Variants in MYH8 observed in about 807,000 individuals in gnomAD.
MYH8 encodes the protein myosin-8.
Under a neutral mutation model 233.2 loss-of-function variants are expected in MYH8, and 168 were observed. The observed-to-expected ratio is 0.72, with a 90% confidence interval of 0.64 to 0.82. The LOEUF is 0.82. Ranked by LOEUF, MYH8 falls within the 40% of genes least tolerant of loss-of-function variation. The probability of loss-of-function intolerance (pLI) is 0.00; values close to 1 mark genes in which losing one functional copy is unlikely to be tolerated. For synonymous variants in MYH8, 785 were observed against 850.6 expected (o/e 0.92, Z 1.34); for missense variants, 1,995 against 2,327.8 (o/e 0.86, Z 2.94).
At chr17:10,416,133 C>T (rs530491340) in intron 5 of MYH8, among the ~76,000 whole-genome samples, 11 of 152,142 alleles carry the variant, frequency 7.2e-5, no homozygotes, top group South Asian at 2.1e-4. Flanking sequence ...CATTCCCTGG[C>T]GCCCACCATT....
rs1371100552 is a variant in MYH8, at chr17:10,400,996, T to G, written c.3255-37A>C. On this transcript the variant is annotated intron_variant, in intron 25 of 39. Coordinates refer to ENST00000403437, the MANE Select transcript of MYH8 (RefSeq NM_002472.3). This position sits in a 1 kb window ranked among gnomAD's most constrained non-coding sequence, Gnocchi z 4.0. The stretch of plus-strand genomic sequence containing the variant: ...AGAGCAAGACGTATTAATACTCATG[T>G]GAATTGAAAGATGATATCACATAGA... The G allele has an allele frequency of 1.9e-6, 3 of 1,613,716 alleles. No individual in the cohort carries two copies. The highest frequency in any genetic ancestry group is 2.5e-6 in the Non-Finnish European group (3 of 1,179,662).
At chr17:10,390,682 A>G (rs1022013189) in intron 39 of MYH8, 79 bp from the exon 40 acceptor site, 2 of 1,502,852 alleles carry the variant, frequency 1.3e-6, no homozygotes, top group Non-Finnish European at 1.9e-6. Flanking sequence ...TTAGTTCCTC[A>G]AATCAGGTAT....
rs2072301316 is a variant in MYH8 at position 10,417,763 on chromosome 17, A to G, written c.511+882T>C. ...GACAATCAAAGAACAGTTTACTGGCATAGAATCCTTGTAGAATTGATGGCC... is the reference window on the plus strand; with the variant it reads ...GACAATCAAAGAACAGTTTACTGGCGTAGAATCCTTGTAGAATTGATGGCC... On this transcript the variant is annotated intron_variant, in intron 5 of 39. Coordinates refer to ENST00000403437, the MANE Select transcript of MYH8 (RefSeq NM_002472.3). The surrounding 1 kb of genome is among the most constrained non-coding windows in gnomAD (Gnocchi z 4.1). 6.6e-6 allele frequency among the ~76,000 whole-genome samples: 1 copy of G among 152,228 alleles called. No individual in the cohort carries two copies.
intron 39 of MYH8, among the ~76,000 whole-genome samples, chr17:10,390,961 A>G (rs1402648973): frequency 6.6e-6 from 1 of 152,240 alleles, no homozygotes; most frequent in Non-Finnish European, 1.5e-5. Flanking sequence ...TCTAGTATAT[A>G]AAGAAAGGGA....
chr17:10,421,218 AAATAAT>A (rs879350086), intron 2 of MYH8, among the ~76,000 whole-genome samples: 1 of 152,264 alleles, frequency 6.6e-6, no homozygotes, highest in Non-Finnish European at 1.5e-5. Context: ...CCTGTTAAGT[AAATAAT>A]AATAAGTCTT....
intron 5 of MYH8, among the ~76,000 whole-genome samples, chr17:10,416,955 CTG>C (rs779574694): frequency 1.3e-4 from 20 of 152,186 alleles, no homozygotes; most frequent in Non-Finnish European, 2.5e-4. Context: ...GATAAAGAAA[CTG>C]AGACCTGTAA....
At chr17:10,401,500 G>C in intron 23 of MYH8, 43 bp downstream of exon 23, 1 of 1,614,104 alleles carries the variant, frequency 6.2e-7, no homozygotes, top group South Asian at 1.1e-5. Flanking sequence ...CAATTTAGTT[G>C]GTGGCAGAAC....
chr17:10,409,056 T>C (rs1597402600), intron 17 of MYH8, 41 bp downstream of exon 17: 4 of 1,570,858 alleles, frequency 2.5e-6, no homozygotes, highest in East Asian at 4.5e-5. Context: ...TGATAATTCA[T>C]AGAAACTGAG....
chr17:10,413,017 T>C (rs2072258664), intron 12 of MYH8, among the ~76,000 whole-genome samples: 1 of 152,222 alleles, frequency 6.6e-6, no homozygotes, highest in South Asian at 2.1e-4. Flanking sequence ...GTAAAAGCCA[T>C]AGTCCCTGTT....
chr17:10,390,672 T>A (rs561532255), intron 39 of MYH8, 69 bp from the exon 40 acceptor site: 1 of 1,547,430 alleles, frequency 6.5e-7, no homozygotes, highest in Admixed American at 1.7e-5. Flanking sequence ...CCAGACAGGA[T>A]TAGTTCCTCA....
Position 10,406,678 on chromosome 17 carries a change from A to G in MYH8, c.2171+12T>C, listed in dbSNP as rs759698690. ...TTCACAGTGTTAATGAAATACATCA[A>G]AGAAGACTGACCTTTGTTTGAAATC... On this transcript the variant is annotated intron_variant, in intron 19 of 39. Transcript: ENST00000403437. The G allele has an allele frequency of 6.2e-7, 1 of 1,606,110 alleles. No homozygotes were observed. The highest frequency in any genetic ancestry group is 8.5e-7 in the Non-Finnish European group (1 of 1,172,964).
At position 10,390,543 on chromosome 17, in the gene MYH8, C is replaced by T; in HGVS notation, c.5725G>A (p.Ala1909Thr). 6.2e-7 allele frequency: 1 copy of T among 1,614,176 alleles called. No individual in the cohort carries two copies. The highest frequency in any genetic ancestry group is 8.5e-7 in the Non-Finnish European group (1 of 1,180,032). Residue 1909 changes from alanine to threonine, a missense_variant, in exon 40 of 40, where the codon GCC (alanine) becomes ACC (threonine). Physicochemically the swap from Ala to Thr is moderately conservative, Grantham distance 58. Around this residue, in one of 3 missense-constraint regions of MYH8, gnomAD observed 1,498 missense variants for 1,680.9 expected, o/e 0.89. Coordinates refer to ENST00000403437, the MANE Select transcript of MYH8 (RefSeq NM_002472.3). Reference protein sequence around the residue: ...FRKLQHELEEAEERADIAESQ... With the variant: ...FRKLQHELEETEERADIAESQ... ...TCAGCAATGTCAGCCCGTTCCTCGG[C>T]CTCCTCCAGCTCATGCTGGAGTTTG...
Position 10,414,006 on chromosome 17 carries a change from T to C in MYH8, c.1043A>G (p.Glu348Gly). 1 of 1,614,156 alleles carries C rather than the reference T, an allele frequency of 6.2e-7. No individual in the cohort carries two copies. ...TGTGAGTTTATAGATGGACACTTTCTCTTCAGGAGTGAAGCCCAGGATGTC... is the reference window on the plus strand; with the variant it reads ...TGTGAGTTTATAGATGGACACTTTCCCTTCAGGAGTGAAGCCCAGGATGTC... Reference protein sequence around the residue: ...AIDILGFTPEEKVSIYKLTGA... With the variant: ...AIDILGFTPEGKVSIYKLTGA... Residue 348 changes from glutamate to glycine, a missense_variant, in exon 12 of 40, where the codon GAG becomes GGG. Around this residue, in one of 3 missense-constraint regions of MYH8, gnomAD observed 479 missense variants for 600.9 expected, o/e 0.80. Transcript: ENST00000403437.
At position 10,412,400 on chromosome 17, in the gene MYH8, G is replaced by A. The variant is rs944639595; in HGVS notation, c.1386C>T (p.Val462=). 30 of 1,614,066 alleles carry A rather than the reference G, an allele frequency of 1.9e-5. No individual in the cohort carries two copies. Among genetic ancestry groups the A allele is most frequent in the Non-Finnish European group, 2.5e-5 (30 of 1,180,044 alleles). ...TKQPRQYFIG[V]LDIAGFEIFD... ...AGATTTCAAAGCCAGCAATGTCCAA[G>A]ACCCCGATGAAGTACTGCCTGGGCT... Residue 462 remains valine, a synonymous_variant, in exon 14 of 40, where the codon GTC becomes GTT. Transcript: ENST00000403437.
At chr17:10,392,779 A>G in intron 37 of MYH8, 52 bp downstream of exon 37, 1 of 1,613,994 alleles carries the variant, frequency 6.2e-7, no homozygotes, top group East Asian at 2.2e-5. Context: ...AGAGAAGGGT[A>G]GAGAGAGTGC....
intron 39 of MYH8, among the ~76,000 whole-genome samples, chr17:10,391,354 G>T (rs1374150140): frequency 6.6e-6 from 1 of 152,112 alleles, no homozygotes; most frequent in Non-Finnish European, 1.5e-5. Context: ...TTTAGAACTT[G>T]CCCCCCTCAA....
At chr17:10,408,995 G>A in intron 17 of MYH8, 102 bp downstream of exon 17, 3 of 1,061,688 alleles carry the variant, frequency 2.8e-6, no homozygotes, top group Non-Finnish European at 4.3e-6. Flanking sequence ...TATTTGAAGT[G>A]ATTCCTATTA....
rs2072280481 is a variant in MYH8, at chr17:10,415,356, G to T, written c.677C>A (p.Ala226Asp). The change falls in exon 8 of 40, where the codon GCC becomes GAC. Residue 226 changes from alanine (A) to aspartate (D), a missense_variant. Around this residue, in one of 3 missense-constraint regions of MYH8, gnomAD observed 479 missense variants for 600.9 expected, o/e 0.80. Coordinates refer to ENST00000403437, the MANE Select transcript of MYH8 (RefSeq NM_002472.3). The surrounding 1 kb of genome is among the most constrained non-coding windows in gnomAD (Gnocchi z 4.1). ...QGTLEDQIIS[A>D]NPLLEAFGNA... ...GCCAAAGGCCTCCAGTAGGGGATTG[G>T]CGCTGATGATTTGATCTTCCAGAGT... is the stretch of plus-strand genomic sequence containing the variant. 6.2e-7 allele frequency: 1 copy of T among 1,614,184 alleles called. No individual in the cohort carries two copies. The highest frequency in any genetic ancestry group is 8.5e-7 in the Non-Finnish European group (1 of 1,180,012).
Position 10,398,884 on chromosome 17 carries a change from C to T in MYH8, c.3865G>A (p.Glu1289Lys). ...QRARLQTEAG[E>K]YSRQLDEKDA... ...TTCTCATCTAATTGTCGAGAATATT[C>T]ACCTAGGAATAATAGACATAAGGGA... Residue 1289 changes from glutamate to lysine, a missense_variant and splice_region_variant, in exon 29 of 40, where the codon GAA becomes AAA. Around this residue, in one of 3 missense-constraint regions of MYH8, gnomAD observed 1,498 missense variants for 1,680.9 expected, o/e 0.89. Coordinates refer to ENST00000403437, the MANE Select transcript of MYH8 (RefSeq NM_002472.3). The T allele has an allele frequency of 6.2e-7, 1 of 1,610,818 alleles. No homozygotes were observed. The highest frequency in any genetic ancestry group is 8.5e-7 in the Non-Finnish European group (1 of 1,179,214).
Sources: gnomAD v4.1 joint callset for allele counts (sites outside exome capture counted in the v4.1 genomes callset) on GRCh38, gnomAD v4.1.1 for gene constraint, gnomAD v4.1.1 regional missense constraint, Gnocchi (gnomAD v3.1) non-coding constraint, MANE v1.5 for transcripts, NCBI Gene and HGNC (gene_info 2026-07-23, HGNC 2026-07-21) for gene names.